The following HECTD2 variants were observed in gnomAD, a reference collection of about 807,000 sequenced individuals.
HECTD2 encodes the protein probable E3 ubiquitin-protein ligase HECTD2.
A neutral mutation model predicts 103.2 loss-of-function variants in HECTD2; 35 were observed. The observed-to-expected ratio is 0.34, with a 90% confidence interval of 0.26 to 0.45. The LOEUF (loss-of-function observed/expected upper bound fraction) is 0.45, where lower values mean the gene tolerates loss of function less well. HECTD2 is among the 20% of genes least tolerant of loss of function. The pLI, the probability that HECTD2 is intolerant of heterozygous loss-of-function variation, is 1.00. For synonymous variants in HECTD2, 281 were observed against 329.9 expected, an observed-to-expected ratio of 0.85 and a Z score of 1.61; for missense variants, 596 against 937.4, an observed-to-expected ratio of 0.64 and a Z score of 4.76.
intron 2 of HECTD2, among the ~76,000 whole-genome samples, chr10:91,445,356 A>G (rs750714923): frequency 4.6e-5 from 7 of 152,182 alleles, no homozygotes; most frequent in Non-Finnish European, 1.0e-4. Context: ...TAGAGAGGAA[A>G]TAGTGATATA....
At chr10:91,484,237 A>G (rs1471410636) in intron 8 of HECTD2, 17 of 721,832 alleles carry the variant, frequency 2.4e-5, no homozygotes, top group Non-Finnish European at 3.7e-5. Context: ...TTGGAAATAT[A>G]GAATCTGTGA....
chr10:91,483,029 T>G lies in HECTD2; in HGVS notation c.774T>G (p.Ala258=). The G allele has an allele frequency of 6.3e-7, 1 of 1,590,884 alleles. No individual in the cohort carries two copies. The highest frequency in any genetic ancestry group is 8.6e-7 in the Non-Finnish European group (1 of 1,161,670). The change falls in exon 8 of 21, where the codon GCT becomes GCG. Residue 258 remains alanine (A), a synonymous_variant. Coordinates refer to ENST00000298068, the MANE Select transcript of HECTD2 (RefSeq NM_182765.6). The stretch of plus-strand genomic sequence containing the variant: ...ATGCTCACTTGCTACGACAGATAGC[T>G]ACCTTAGTGGAAGCTGACCATCATT... ...VIYAHLLRQI[A]TLVEADHHFL...
intron 2 of HECTD2, among the ~76,000 whole-genome samples, chr10:91,454,609 GTGT>G (rs1392097955): frequency 6.6e-6 from 1 of 151,854 alleles, no homozygotes; most frequent in East Asian, 1.9e-4. Context: ...TAGGGTACAT[GTGT>G]ACAACATGTA....
At chr10:91,504,032 T>C (rs1366626747) in intron 20 of HECTD2, among the ~76,000 whole-genome samples, 1 of 152,000 alleles carries the variant, frequency 6.6e-6, no homozygotes, top group Non-Finnish European at 1.5e-5. Context: ...CACCTCACAC[T>C]GCAGGGTACT....
intron 5 of HECTD2, among the ~76,000 whole-genome samples, chr10:91,470,866 C>T (rs1200113415): frequency 6.6e-6 from 1 of 152,076 alleles, no homozygotes; most frequent in Non-Finnish European, 1.5e-5. Context: ...AAAGAGCTGG[C>T]ACCATTTCTA....
intron 6 of HECTD2, among the ~76,000 whole-genome samples, chr10:91,479,235 A>G (rs1213973421): frequency 6.6e-6 from 1 of 152,192 alleles, no homozygotes; most frequent in Non-Finnish European, 1.5e-5. Context: ...CTTTTTATAT[A>G]GCACATTCCT....
At chr10:91,490,196 AGTACT>A (rs1279227996) in intron 11 of HECTD2, among the ~76,000 whole-genome samples, 1 of 151,176 alleles carries the variant, frequency 6.6e-6, no homozygotes, top group Admixed American at 6.5e-5. Flanking sequence ...GAGTTGAAAT[AGTACT>A]GTAAACACAA....
chr10:91,473,745 C>CTT (rs1845810526), intron 5 of HECTD2, among the ~76,000 whole-genome samples: 1 of 152,102 alleles, frequency 6.6e-6, no homozygotes, highest in African/African-American at 2.4e-5. Context: ...ATAACATTAT[C>CTT]TTTTCTCTAT....
intron 11 of HECTD2, among the ~76,000 whole-genome samples, chr10:91,490,890 CAAAAA>C (rs61035151): frequency 7.3e-5 from 1 of 13,616 alleles, no homozygotes; most frequent in Non-Finnish European, 1.5e-4. Context: ...GACTCCGTCT[CAAAAA>C]AAAAAAAAAA....
intron 20 of HECTD2, among the ~76,000 whole-genome samples, chr10:91,508,434 AC>A (rs1464600558): frequency 6.6e-6 from 1 of 151,550 alleles, no homozygotes; most frequent in African/African-American, 2.4e-5. Context: ...CAAGAAAAAA[AC>A]AAACAACCCC....
chr10:91,429,362 G>T (rs1009444930), intron 2 of HECTD2, among the ~76,000 whole-genome samples: 1 of 152,070 alleles, frequency 6.6e-6, no homozygotes, highest in Non-Finnish European at 1.5e-5. Context: ...GTCTCTGCCC[G>T]GCTTTGGTAT....
intron 1 of HECTD2, among the ~76,000 whole-genome samples, chr10:91,422,586 T>A (rs896926690): frequency 1.3e-5 from 2 of 152,284 alleles, no homozygotes; most frequent in South Asian, 4.1e-4. Context: ...CTAATACATA[T>A]AATAAGGAAT....
intron 5 of HECTD2, among the ~76,000 whole-genome samples, chr10:91,471,354 A>G (rs1332500893): frequency 6.6e-6 from 1 of 152,212 alleles, no homozygotes; most frequent in Non-Finnish European, 1.5e-5. Context: ...ACAAACCCAC[A>G]GCCAACATCA....
At chr10:91,443,740 G>A (rs911658262) in intron 2 of HECTD2, among the ~76,000 whole-genome samples, 17 of 152,086 alleles carry the variant, frequency 1.1e-4, no homozygotes, top group Admixed American at 6.6e-5. Context: ...TGATGCTGAT[G>A]TTGCTAGTCT....
At chr10:91,420,712 T>A (rs1478756698) in intron 1 of HECTD2, among the ~76,000 whole-genome samples, 2 of 152,154 alleles carry the variant, frequency 1.3e-5, no homozygotes, top group Admixed American at 1.3e-4. Flanking sequence ...GACTGGCTGT[T>A]TTTTGTGCCT....
chr10:91,493,494 C>A lies in HECTD2; in HGVS notation c.1507C>A (p.Arg503=). 6.5e-7 allele frequency: 1 copy of A among 1,539,204 alleles called. No individual in the cohort carries two copies. The highest frequency in any genetic ancestry group is 1.7e-4 in the Middle Eastern group (1 of 5,728). The change falls in exon 14 of 21, where the codon CGA becomes AGA. Residue 503 remains arginine (R), a synonymous_variant. Coordinates refer to ENST00000298068, the MANE Select transcript of HECTD2 (RefSeq NM_182765.6). The part of the protein sequence containing the change: ...SFKCDNYSEF[R]LVGILMGLAV... Reference sequence around the variant, plus strand: ...TAAATGTGATAACTATTCTGAATTCCGATTGGTTGGAATTGTATCCTTTAA... The same window carrying A: ...TAAATGTGATAACTATTCTGAATTCAGATTGGTTGGAATTGTATCCTTTAA...
chr10:91,475,045 G>A (rs992488997), intron 5 of HECTD2, among the ~76,000 whole-genome samples: 2 of 152,094 alleles, frequency 1.3e-5, no homozygotes, highest in Non-Finnish European at 2.9e-5. Context: ...GAAAGGAGAA[G>A]ACTAGGTTGG....
At chr10:91,421,695 TG>T (rs1015452456) in intron 1 of HECTD2, among the ~76,000 whole-genome samples, 7 of 152,336 alleles carry the variant, frequency 4.6e-5, no homozygotes, top group African/African-American at 1.4e-4. Context: ...AGCATACTTT[TG>T]CCTAGTGAGC....
Position 91,512,413 on chromosome 10 carries a change from T to C in HECTD2, c.*29T>C, listed in dbSNP as rs1847459584. The C allele has an allele frequency of 1.3e-6, 2 of 1,595,768 alleles. No individual in the cohort carries two copies. Among genetic ancestry groups the C allele is most frequent in the Non-Finnish European group, 1.7e-6 (2 of 1,166,006 alleles). On this transcript the variant is annotated 3_prime_UTR_variant, in exon 21 of 21. Transcript: ENST00000298068. Reference sequence around the variant, plus strand: ...AGAAGACTTGAAATATAATCTTTTATATGTAGCATTCACTTCCCTCTTACT... The same window carrying C: ...AGAAGACTTGAAATATAATCTTTTACATGTAGCATTCACTTCCCTCTTACT...
Sources: allele counts gnomAD v4.1 joint callset (sites outside exome capture counted in the v4.1 genomes callset), GRCh38; gene constraint gnomAD v4.1.1; transcripts MANE v1.5; gene names NCBI Gene and HGNC (gene_info 2026-07-23, HGNC 2026-07-21).